SPTA1: variants seen among roughly 807,000 people sequenced by gnomAD.
SPTA1 encodes the protein spectrin alpha, erythrocytic 1.
A neutral mutation model predicts 324.7 loss-of-function variants in SPTA1; 177 were observed. The observed-to-expected ratio is 0.55, with a 90% confidence interval of 0.48 to 0.62. The LOEUF is 0.62. Among genes scored for constraint, SPTA1 ranks in the 20% least tolerant of loss-of-function variants. The pLI is 0.00. For synonymous variants in SPTA1, 1,195 were observed against 1,041.3 expected, an observed-to-expected ratio of 1.15 and a Z score of -2.84; for missense variants, 3,162 against 2,883.6, an observed-to-expected ratio of 1.10 and a Z score of -2.21.
chr1:158,685,420 A>G, intron 1 of SPTA1, 73 bp from the exon 2 acceptor site: 1 of 1,593,066 alleles, frequency 6.3e-7, no homozygotes. Context: ...ATATGTGTCA[A>G]GGTGTTTACT....
intron 40 of SPTA1, 41 bp downstream of exon 40, chr1:158,627,584 G>A (rs1219297112): frequency 1.9e-6 from 3 of 1,584,518 alleles, no homozygotes; most frequent in Non-Finnish European, 2.6e-6. Flanking sequence ...AGTCCCTTTT[G>A]GAGAATGGAA....
intron 48 of SPTA1, 21 bp from the exon 49 acceptor site, chr1:158,614,327 A>G (rs1436673750): frequency 7.0e-7 from 1 of 1,428,146 alleles, no homozygotes; most frequent in Non-Finnish European, 9.8e-7. Context: ...AAAAAAAAAC[A>G]TGAATTTTCC....
chr1:158,672,513 G>A (rs1207631752), intron 10 of SPTA1, among the ~76,000 whole-genome samples: 62 of 152,246 alleles, frequency 4.1e-4, no homozygotes, highest in Admixed American at 3.9e-3. Flanking sequence ...TGGGTATCAG[G>A]ACTTAATGCC....
chr1:158,626,963 T>C lies in SPTA1; in HGVS notation c.5709A>G (p.Ile1903Met), dbSNP rs1382627229. ...ESQNKEISSK[I>M]EALNEKTPSL... is the part of the protein sequence containing the mutation. ...AAGGGGTCTTTTCATTCAGAGCCTC[T>C]ATCTTGGAAGAAATCTCTTTGTTCT... Residue 1903 changes from isoleucine (I) to methionine (M), a missense_variant, in exon 41 of 52, where the codon ATA becomes ATG. Transcript: ENST00000643759. 6.2e-7 allele frequency: 1 copy of C among 1,613,924 alleles called. No homozygotes were observed. Among genetic ancestry groups the C allele is most frequent in the Non-Finnish European group, 8.5e-7 (1 of 1,179,816 alleles).
chr1:158,684,660 A>G (rs900901488), intron 2 of SPTA1, among the ~76,000 whole-genome samples: 1 of 152,112 alleles, frequency 6.6e-6, no homozygotes, highest in African/African-American at 2.4e-5. Context: ...ATACACTTAC[A>G]TTACCATAAT....
Position 158,634,486 on chromosome 1 carries a change from C to A in SPTA1, c.5565+57G>T, listed in dbSNP as rs938073093. On this transcript the variant is annotated intron_variant, in intron 39 of 51. Transcript: ENST00000643759. ...TATTACAGGTAAAAACACTGACTAC[C>A]CAAGAAAATAACCAAATTGAAGAGA... is the stretch of plus-strand genomic sequence containing the variant. 10 of 1,608,712 alleles carry A rather than the reference C, an allele frequency of 6.2e-6. No individual in the cohort carries two copies. The African/African-American group carries it at 9.3e-5, about 15-fold the overall frequency.
chr1:158,680,792 C>G, intron 4 of SPTA1, 63 bp from the exon 5 acceptor site: 3 of 1,599,410 alleles, frequency 1.9e-6, no homozygotes, highest in Middle Eastern at 3.3e-4. Context: ...AGGTCAAAAA[C>G]TCAAAACTCC....
intron 18 of SPTA1, 137 bp downstream of exon 18, chr1:158,661,150 G>A: frequency 7.4e-7 from 1 of 1,347,936 alleles, no homozygotes; most frequent in Non-Finnish European, 1.1e-6. Context: ...CCATTTGTCA[G>A]AAATGCCAAA....
At chr1:158,623,270 A>T in intron 42 of SPTA1, 78 bp from the exon 43 acceptor site, 1 of 1,197,260 alleles carries the variant, frequency 8.4e-7, no homozygotes, top group Non-Finnish European at 1.2e-6. Flanking sequence ...ACCAGATTTT[A>T]ATCATAGATA....
At chr1:158,623,724 C>G (rs1254266165) in intron 42 of SPTA1, among the ~76,000 whole-genome samples, 1 of 152,220 alleles carries the variant, frequency 6.6e-6, no homozygotes, top group Non-Finnish European at 1.5e-5. Flanking sequence ...AATTAAACCT[C>G]TATTCTTTAT....
chr1:158,662,568 A>T, intron 17 of SPTA1, 134 bp downstream of exon 17: 3 of 1,223,186 alleles, frequency 2.5e-6, no homozygotes, highest in Non-Finnish European at 3.4e-6. Flanking sequence ...GAAGGACTGG[A>T]CAAATTTTCA....
Position 158,649,931 on chromosome 1 carries a change from C to T in SPTA1, c.3494G>A (p.Trp1165Ter). The T allele has an allele frequency of 6.2e-7, 1 of 1,613,532 alleles. No homozygotes were observed. Among genetic ancestry groups the T allele is most frequent in the Non-Finnish European group, 8.5e-7 (1 of 1,179,744 alleles). The change falls in exon 25 of 52, where the codon TGG becomes TAG. Residue 1165 changes from tryptophan to a stop codon, truncating the protein, a stop_gained. Coordinates refer to ENST00000643759, the MANE Select transcript of SPTA1 (RefSeq NM_003126.4). LOFTEE classifies it high-confidence loss of function. ...ATCTGCAAGCCTCTGCAAAGAACCCCAGCGGGAATTCAATTCCTAAAAGAG... is the reference window on the plus strand; with the variant it reads ...ATCTGCAAGCCTCTGCAAAGAACCCTAGCGGGAATTCAATTCCTAAAAGAG... ...AQIRQELNSR[W>*]GSLQRLADEQ...
intron 45 of SPTA1, 88 bp downstream of exon 45, chr1:158,619,134 C>G: frequency 1.1e-5 from 14 of 1,244,068 alleles, no homozygotes; most frequent in African/African-American, 1.5e-5. Context: ...CTCTCAGAGT[C>G]TCTCCTCTTC....
At chr1:158,633,417 T>C (rs992969037) in intron 39 of SPTA1, among the ~76,000 whole-genome samples, 1 of 151,964 alleles carries the variant, frequency 6.6e-6, no homozygotes, top group East Asian at 1.9e-4. Context: ...TCCCAGCACT[T>C]TGGGAGGCTG....
intron 11 of SPTA1, among the ~76,000 whole-genome samples, chr1:158,671,698 A>G (rs543136381): frequency 6.6e-6 from 1 of 152,212 alleles, no homozygotes; most frequent in South Asian, 2.1e-4. Flanking sequence ...CAGTCTAGAC[A>G]TTATTCTGAG....
At chr1:158,631,665 G>A (rs1348981939) in intron 39 of SPTA1, among the ~76,000 whole-genome samples, 1 of 152,000 alleles carries the variant, frequency 6.6e-6, no homozygotes, top group African/African-American at 2.4e-5. Flanking sequence ...TCCCTAAAAA[G>A]GCATGTAAAT....
chr1:158,638,745 C>A (rs1258823940), intron 35 of SPTA1, among the ~76,000 whole-genome samples: 429 of 91,768 alleles, frequency 4.7e-3, no homozygotes, highest in South Asian at 8.9e-3. Flanking sequence ...GAGCTGGTAC[C>A]AAAAAAAAAA....
In SPTA1 at chr1:158,640,155, C is replaced by T. The variant is rs61820502; in HGVS notation, c.4738-148G>A. On this transcript the variant is annotated intron_variant, in intron 33 of 51. Coordinates refer to ENST00000643759, the MANE Select transcript of SPTA1 (RefSeq NM_003126.4). ...TATCATACATTTCAAACCAGTTATA[C>T]TTAATCTGGGAAAACAATAGGAGTT... The T allele has an allele frequency of 2.9e-3, 2,823 of 985,056 alleles. 12 individuals carry two copies. The highest frequency in any genetic ancestry group is 4.0e-3 in the Non-Finnish European group (2,599 of 647,176). The allele number at this position is 985,056 out of a possible 1,614,324, so 61.0% of individuals were successfully genotyped here. A position where few individuals can be genotyped will look rare whatever the true frequency, so the allele number is the denominator to read the frequency against.
At chr1:158,620,547 G>A in intron 43 of SPTA1, 81 bp from the exon 44 acceptor site, 3 of 1,555,542 alleles carry the variant, frequency 1.9e-6, no homozygotes, top group Admixed American at 3.6e-5. Context: ...TAAAAATAAT[G>A]CCTGTCTTTA....
Sources: gnomAD v4.1 joint callset for allele counts (sites outside exome capture counted in the v4.1 genomes callset) on GRCh38, gnomAD v4.1.1 for gene constraint, MANE v1.5 for transcripts, NCBI Gene and HGNC (gene_info 2026-07-23, HGNC 2026-07-21) for gene names.